PDE4D: variants seen among roughly 807,000 people sequenced by gnomAD.
The protein encoded by PDE4D is 3',5'-cyclic-AMP phosphodiesterase 4D.
PDE4D carries 24 observed loss-of-function variants against 87.4 expected under a neutral mutation model. That is an observed-to-expected ratio of 0.27 (90% CI 0.20 to 0.39). The LOEUF (loss-of-function observed/expected upper bound fraction) is 0.39, where lower values mean the gene tolerates loss of function less well. Ranked by LOEUF, PDE4D falls within the 10% of genes least tolerant of loss-of-function variation. The pLI is 1.00. For missense variants in PDE4D, 714 were observed against 1,041.0 expected, an observed-to-expected ratio of 0.69 and a Z score of 4.32; for synonymous variants, 384 against 383.2, an observed-to-expected ratio of 1.00 and a Z score of -0.02.
At chr5:59,720,884 A>G (rs1755728620) in intron 1 of PDE4D, among the ~76,000 whole-genome samples, 1 of 152,128 alleles carries the variant, frequency 6.6e-6, no homozygotes, top group Admixed American at 6.6e-5. Context: ...CTTCTCTAAG[A>G]TAGAATTTCC....
intron 5 of PDE4D, among the ~76,000 whole-genome samples, chr5:59,080,893 A>G (rs890947168): frequency 1.3e-5 from 2 of 152,206 alleles, no homozygotes; most frequent in Non-Finnish European, 2.9e-5. Context: ...AAATATGACT[A>G]ACTAGGTAAA....
chr5:59,893,100 G>T, intron 1 of PDE4D, 68 bp downstream of exon 1: 1 of 1,450,440 alleles, frequency 6.9e-7, no homozygotes, highest in Non-Finnish European at 9.3e-7. Flanking sequence ...AGCCGACTTA[G>T]ATGGAGTATT....
chr5:60,102,758 G>A (rs1216224015), intron 2 of PDE4D, among the ~76,000 whole-genome samples: 2 of 152,010 alleles, frequency 1.3e-5, no homozygotes, highest in Non-Finnish European at 2.9e-5. Flanking sequence ...TGCAACCATG[G>A]GGTCATATTC....
chr5:59,912,901 T>C (rs183501995), intron 3 of PDE4D, among the ~76,000 whole-genome samples: 8 of 152,278 alleles, frequency 5.3e-5, no homozygotes, highest in African/African-American at 1.9e-4. Context: ...AAATAAGAGA[T>C]ATGCTAGTAG....
chr5:59,593,569 A>T lies in PDE4D; in HGVS notation c.455+299599T>A, dbSNP rs535560156. 5.3e-5 allele frequency among the ~76,000 whole-genome samples: 8 copies of T among 152,342 alleles called. No homozygotes were observed. In the East Asian group the frequency reaches 1.3e-3, roughly 26 times the overall value. Reference sequence around the variant, plus strand: ...TGCCAATCTGTCCTAACAACAAAAAAGCTGAACAAACTGAAAAATCAACTC... The same window carrying T: ...TGCCAATCTGTCCTAACAACAAAAATGCTGAACAAACTGAAAAATCAACTC... On this transcript the variant is annotated intron_variant, in intron 1 of 14. Transcript: ENST00000340635.
At chr5:60,022,440 C>T (rs1444027197) in intron 2 of PDE4D, 1 of 152,110 alleles carries the variant, frequency 6.6e-6, no homozygotes, top group Non-Finnish European at 1.5e-5. Flanking sequence ...TTCCTTTAGA[C>T]AAGGTCTTTA....
intron 5 of PDE4D, among the ~76,000 whole-genome samples, chr5:59,160,141 C>A (rs143468062): frequency 6.6e-6 from 1 of 152,270 alleles, no homozygotes; most frequent in African/African-American, 2.4e-5. Flanking sequence ...GACATTTTCT[C>A]TTAAATGAAA....
chr5:59,237,635 C>T (rs1756729051), intron 1 of PDE4D, among the ~76,000 whole-genome samples: 2 of 152,016 alleles, frequency 1.3e-5, no homozygotes, highest in Non-Finnish European at 2.9e-5. Flanking sequence ...GAGAAAAGGC[C>T]TCATGGTCTC....
At chr5:60,314,937 C>A (rs1169387513) in intron 1 of PDE4D, among the ~76,000 whole-genome samples, 2 of 152,154 alleles carry the variant, frequency 1.3e-5, no homozygotes, top group Admixed American at 1.3e-4. Context: ...AATAGTGCCT[C>A]AATAAACATA....
At chr5:60,005,796 C>A in intron 2 of PDE4D, among the ~76,000 whole-genome samples, 1 of 148,922 alleles carries the variant, frequency 6.7e-6, no homozygotes, top group South Asian at 2.1e-4. Flanking sequence ...AAAATTGAAC[C>A]TATGAGAAAC....
chr5:59,600,779 T>C (rs1339718501), intron 1 of PDE4D, among the ~76,000 whole-genome samples: 1 of 152,182 alleles, frequency 6.6e-6, no homozygotes, highest in Non-Finnish European at 1.5e-5. Context: ...TTGAAATTGC[T>C]ATTATTGAAA....
chr5:59,787,429 A>T lies in PDE4D; in HGVS notation c.455+105739T>A, dbSNP rs539017613. ...CACTTGCTTTGGGAATACTTTCTTC[A>T]CCTCTCAAACAGAAGGAATCACACC... On this transcript the variant is annotated intron_variant, in intron 1 of 14. Transcript: ENST00000340635. Among the ~76,000 whole-genome samples the T allele has an allele frequency of 2.0e-5, 3 of 152,188 alleles. No homozygotes were observed. In the South Asian group the frequency reaches 6.2e-4, roughly 32 times the overall value.
intron 1 of PDE4D, among the ~76,000 whole-genome samples, chr5:59,835,815 T>G (rs1227614324): frequency 1.3e-5 from 2 of 152,114 alleles, no homozygotes; most frequent in East Asian, 3.9e-4. Context: ...TAGATGGTCC[T>G]GGGCTCGAAA....
intron 1 of PDE4D, among the ~76,000 whole-genome samples, chr5:59,590,526 T>C (rs1365955886): frequency 3.3e-5 from 5 of 151,954 alleles, no homozygotes; most frequent in Admixed American, 6.6e-5. Flanking sequence ...TAAAAAGAAA[T>C]ATCAGGAGTA....
chr5:60,278,232 T>G (rs1002830104), intron 1 of PDE4D, among the ~76,000 whole-genome samples: 3 of 152,276 alleles, frequency 2.0e-5, no homozygotes, highest in African/African-American at 7.2e-5. Flanking sequence ...AAAAAATGTG[T>G]GTCACTTCTT....
chr5:59,913,417 G>T (rs1249222814), intron 3 of PDE4D, among the ~76,000 whole-genome samples: 1 of 152,130 alleles, frequency 6.6e-6, no homozygotes. Flanking sequence ...TCATATATGT[G>T]AGAGCTAGAC....
intron 1 of PDE4D, among the ~76,000 whole-genome samples, chr5:59,501,711 A>C (rs1289194654): frequency 2.0e-5 from 3 of 152,162 alleles, no homozygotes; most frequent in Non-Finnish European, 2.9e-5. Context: ...CAGAATATAA[A>C]ATCAGCACAG....
intron 1 of PDE4D, among the ~76,000 whole-genome samples, chr5:59,736,564 A>G (rs1758096200): frequency 6.6e-6 from 1 of 152,024 alleles, no homozygotes; most frequent in Admixed American, 6.6e-5. Flanking sequence ...CTGTAATCCT[A>G]GGTACTCGGA....
chr5:59,309,842 T>C (rs573510643), intron 1 of PDE4D, among the ~76,000 whole-genome samples: 1 of 152,280 alleles, frequency 6.6e-6, no homozygotes, highest in Admixed American at 6.5e-5. Flanking sequence ...CCAAAGACTG[T>C]GTATCCTGCC....
Sources: allele counts gnomAD v4.1 joint callset (sites outside exome capture counted in the v4.1 genomes callset), GRCh38; gene constraint gnomAD v4.1.1; transcripts MANE v1.5; gene names NCBI Gene and HGNC (gene_info 2026-07-23, HGNC 2026-07-21).